PRPF18: variants seen among roughly 807,000 people sequenced by gnomAD.
The protein encoded by PRPF18 is pre-mRNA processing factor 18, also known as pre-mRNA-splicing factor 18.
PRPF18 carries 38 observed loss-of-function variants against 46.5 expected under a neutral mutation model. The observed-to-expected ratio is 0.82, with a 90% confidence interval of 0.63 to 1.07. The LOEUF is 1.07. PRPF18 is among the 50% of genes least tolerant of loss of function. The pLI, the probability that PRPF18 is intolerant of heterozygous loss-of-function variation, is 0.00. For missense variants in PRPF18, 263 were observed against 410.0 expected, an observed-to-expected ratio of 0.64 and a Z score of 3.10; for synonymous variants, 152 against 146.7, an observed-to-expected ratio of 1.04 and a Z score of -0.26.
At chr10:13,651,931 G>A in the PRPF18 span, 1 of 1,595,860 alleles carries the variant, frequency 6.3e-7, no homozygotes, top group Non-Finnish European at 8.6e-7. Context: ...TGGTGAGGTG[G>A]AGACTCAGAC....
At chr10:13,621,714 G>C (rs1484732968) in intron 9 of PRPF18, among the ~76,000 whole-genome samples, 1 of 152,202 alleles carries the variant, frequency 6.6e-6, no homozygotes, top group East Asian at 1.9e-4. Context: ...TTGGAGGTTA[G>C]AAGATTAAGG....
intron 1 of PRPF18, among the ~76,000 whole-genome samples, chr10:13,588,125 G>A (rs1247508343): frequency 1.3e-5 from 2 of 152,114 alleles, no homozygotes; most frequent in South Asian, 2.1e-4. Flanking sequence ...CTGAAACATG[G>A]AGGAAGGGCC....
chr10:13,627,246 T>C (rs945765061), intron 9 of PRPF18, among the ~76,000 whole-genome samples: 4 of 152,206 alleles, frequency 2.6e-5, no homozygotes, highest in African/African-American at 9.7e-5. Context: ...AATTTTTTTT[T>C]ATGAATTTAT....
chr10:13,626,631 C>G (rs979849929), intron 9 of PRPF18, among the ~76,000 whole-genome samples: 1 of 151,914 alleles, frequency 6.6e-6, no homozygotes, highest in African/African-American at 2.4e-5. Context: ...GGAGATATCA[C>G]TAATATCTGG....
At chr10:13,620,360 A>T (rs1235632142) in intron 9 of PRPF18, among the ~76,000 whole-genome samples, 1 of 152,210 alleles carries the variant, frequency 6.6e-6, no homozygotes, top group Non-Finnish European at 1.5e-5. Flanking sequence ...TTACACTAAG[A>T]TGTTGGCCGA....
intron 8 of PRPF18, among the ~76,000 whole-genome samples, chr10:13,615,215 C>G (rs2080322594): frequency 6.6e-6 from 1 of 152,216 alleles, no homozygotes; most frequent in African/African-American, 2.4e-5. Flanking sequence ...GCACATCACT[C>G]CCTGCTAGAA....
chr10:13,643,977 A>T, the PRPF18 span: 1 of 152,758 alleles, frequency 6.5e-6, no homozygotes, highest in African/African-American at 2.4e-5. Flanking sequence ...CACAACTTGT[A>T]ATAAACTATT....
chr10:13,645,485 C>A, the PRPF18 span: 2 of 152,412 alleles, frequency 1.3e-5, no homozygotes, highest in African/African-American at 2.4e-5. Flanking sequence ...ATTTTTGAGG[C>A]CTTTGAAGAT....
At chr10:13,625,598 C>A (rs1327568127) in intron 9 of PRPF18, among the ~76,000 whole-genome samples, 1 of 151,978 alleles carries the variant, frequency 6.6e-6, no homozygotes, top group African/African-American at 2.4e-5. Context: ...ACCTGAAGGA[C>A]GTGAGTTTGT....
intron 9 of PRPF18, 130 bp downstream of exon 9, chr10:13,616,683 T>C: frequency 8.3e-7 from 1 of 1,205,070 alleles, no homozygotes; most frequent in Non-Finnish European, 1.2e-6. Flanking sequence ...AAGTCCCCTC[T>C]GGATAAGCAC....
At chr10:13,609,940 G>A in intron 4 of PRPF18, 99 bp from the exon 5 acceptor site, 1 of 1,299,974 alleles carries the variant, frequency 7.7e-7, no homozygotes, top group South Asian at 1.4e-5. Flanking sequence ...CTTCTTGTGG[G>A]GGAAAAAATA....
At chr10:13,593,364 A>C (rs1217731803) in intron 1 of PRPF18, among the ~76,000 whole-genome samples, 1 of 152,224 alleles carries the variant, frequency 6.6e-6, no homozygotes, top group Non-Finnish European at 1.5e-5. Context: ...TAAATCGAAG[A>C]CTGGATGAGA....
chr10:13,588,516 C>T (rs895428121), intron 1 of PRPF18, among the ~76,000 whole-genome samples: 1 of 150,300 alleles, frequency 6.7e-6, no homozygotes, highest in Non-Finnish European at 1.5e-5. Flanking sequence ...GTTCAGGCTG[C>T]AGTGAGCTAT....
Position 13,616,540 on chromosome 10 carries a change from G to A in PRPF18, c.935G>A (p.Arg312Gln), listed in dbSNP as rs191209080. 6 of 1,614,016 alleles carry A rather than the reference G, an allele frequency of 3.7e-6. No homozygotes were observed. Among genetic ancestry groups the A allele is most frequent in the East Asian group, 2.2e-5 (1 of 44,876 alleles). ...VAHVLNDETQ[R>Q]KYIQGLKRLM... ...CATGTTTTAAATGACGAAACTCAGC[G>A]GAAATATATTCAGGTAAGCAGTTTG... Residue 312 changes from arginine (R) to glutamine (Q), a missense_variant, in exon 9 of 10, where the codon CGG becomes CAG. By Grantham distance (43) the Arg-to-Gln change is conservative (BLOSUM62 1). This residue lies in a region of PRPF18 where 17 missense variants were observed against 74.2 expected (regional missense o/e 0.23). Transcript: ENST00000378572.
chr10:13,646,234 C>T, the PRPF18 span: 1 of 152,658 alleles, frequency 6.6e-6, no homozygotes, highest in African/African-American at 2.4e-5. Context: ...GGTTGACTTT[C>T]ACTTGTGTGT....
chr10:13,617,175 A>G (rs998963054), intron 9 of PRPF18, among the ~76,000 whole-genome samples: 4 of 152,234 alleles, frequency 2.6e-5, no homozygotes, highest in Non-Finnish European at 5.9e-5. Context: ...ATTGTCATAA[A>G]TCCCAGATTG....
At chr10:13,646,170 A>G in the PRPF18 span, 75 of 152,664 alleles carry the variant, frequency 4.9e-4, no homozygotes, top group African/African-American at 1.7e-3. Context: ...CTCTACGGAG[A>G]GAGAAGTGGG....
At chr10:13,635,415 A>G (rs1181054207), downstream of PRPF18, among the ~76,000 whole-genome samples, 1 of 152,210 alleles carries the variant, frequency 6.6e-6, no homozygotes, top group Non-Finnish European at 1.5e-5. Flanking sequence ...ATACCCAGGA[A>G]TGGGATTGTT....
At chr10:13,593,023 A>G (rs887330375) in intron 1 of PRPF18, among the ~76,000 whole-genome samples, 1 of 152,222 alleles carries the variant, frequency 6.6e-6, no homozygotes, top group African/African-American at 2.4e-5. Flanking sequence ...GGAAGGAAAG[A>G]TATTTTCAGT....
Sources: allele counts gnomAD v4.1 joint callset (sites outside exome capture counted in the v4.1 genomes callset), GRCh38; gene constraint gnomAD v4.1.1; regional missense constraint gnomAD v4.1.1; transcripts MANE v1.5; gene names NCBI Gene and HGNC (gene_info 2026-07-23, HGNC 2026-07-21).